RBFOX1: variants seen among roughly 807,000 people sequenced by gnomAD.
RBFOX1 encodes the protein RNA binding fox-1 homolog 1.
In RBFOX1, 8 loss-of-function variants were observed where a neutral mutation model predicts 57.7. The ratio of observed to expected loss-of-function variants is 0.14; its 90% confidence interval spans 0.08 to 0.25. The LOEUF is 0.25. Ranked by LOEUF, RBFOX1 falls within the 10% of genes least tolerant of loss-of-function variation. The pLI is 1.00. For missense variants in RBFOX1, 611 were observed against 548.5 expected, an observed-to-expected ratio of 1.11 and a Z score of -1.14; for synonymous variants, 326 against 222.4, an observed-to-expected ratio of 1.47 and a Z score of -4.15.
intron 2 of RBFOX1, among the ~76,000 whole-genome samples, chr16:6,319,516 G>A (rs1287950422): frequency 6.6e-6 from 1 of 152,178 alleles, no homozygotes; most frequent in Non-Finnish European, 1.5e-5. Flanking sequence ...GGAGTATTGT[G>A]TAAATTGGAG....
rs182690624 is a variant in RBFOX1, at chr16:6,785,139, T to G, written c.-16+130489T>G. Among the ~76,000 whole-genome samples the G allele has an allele frequency of 8.8e-3, 1,280 of 145,976 alleles. 12 individuals are homozygous for G. The highest frequency in any genetic ancestry group is 0.015 in the Non-Finnish European group (1,013 of 67,394). On this transcript the variant is annotated intron_variant, in intron 3 of 15. Transcript: ENST00000550418. Reference sequence around the variant, plus strand: ...AAAATATTCATTATTAAATATAGTGTTATATTTCATTTCTGAACAAAGAGA... The same window carrying G: ...AAAATATTCATTATTAAATATAGTGGTATATTTCATTTCTGAACAAAGAGA...
intron 4 of RBFOX1, among the ~76,000 whole-genome samples, chr16:7,296,684 C>T (rs1008129835): frequency 6.6e-6 from 1 of 152,134 alleles, no homozygotes; most frequent in African/African-American, 2.4e-5. Context: ...GAATAGGCTC[C>T]CTAGCCTGTC....
At chr16:5,862,702 T>C (rs1349903467) in intron 3 of RBFOX1, among the ~76,000 whole-genome samples, 1 of 152,162 alleles carries the variant, frequency 6.6e-6, no homozygotes, top group African/African-American at 2.4e-5. Context: ...GTGAGCTCTA[T>C]CCCTTGAATG....
intron 3 of RBFOX1, among the ~76,000 whole-genome samples, chr16:6,846,842 A>G (rs1009221133): frequency 1.3e-5 from 2 of 151,978 alleles, no homozygotes; most frequent in Non-Finnish European, 2.9e-5. Context: ...AGGATCTTGG[A>G]TGGCATGCTC....
intron 3 of RBFOX1, among the ~76,000 whole-genome samples, chr16:6,876,378 C>G (rs538713087): frequency 1.6e-4 from 24 of 151,886 alleles, no homozygotes; most frequent in Non-Finnish European, 2.8e-4. Flanking sequence ...TACCATCCAA[C>G]CCCTGAAATG....
chr16:5,426,428 C>T (rs149316996), intron 1 of RBFOX1, among the ~76,000 whole-genome samples: 10 of 152,232 alleles, frequency 6.6e-5, no homozygotes, highest in African/African-American at 1.2e-4. Flanking sequence ...AGACTAAAAC[C>T]GTACCCAGCG....
At chr16:5,256,682 C>G (rs1304098924) in intron 1 of RBFOX1, among the ~76,000 whole-genome samples, 18 of 152,114 alleles carry the variant, frequency 1.2e-4, no homozygotes, top group Non-Finnish European at 2.4e-4. Context: ...TGCCTGTAAT[C>G]CTAGCACTTT....
At chr16:5,577,895 A>G (rs2046522492) in intron 2 of RBFOX1, among the ~76,000 whole-genome samples, 1 of 152,216 alleles carries the variant, frequency 6.6e-6, no homozygotes, top group Non-Finnish European at 1.5e-5. Flanking sequence ...GTTAGAGCAG[A>G]GGGGATGAGG....
At position 6,541,689 on chromosome 16, in the gene RBFOX1, C is replaced by T. The variant is rs529917661; in HGVS notation, c.-63-112914C>T. On this transcript the variant is annotated intron_variant, in intron 2 of 15. Transcript: ENST00000550418. The stretch of plus-strand genomic sequence containing the variant: ...GAAGAGCAAGAATATCAATTCTGGG[C>T]AAATGCTGTAGGTCAGAGATGATGG... Among the ~76,000 whole-genome samples the T allele has an allele frequency of 2.6e-5, 4 of 152,224 alleles. No individual in the cohort carries two copies. The South Asian group carries it at 6.2e-4, about 24-fold the overall frequency.
At chr16:6,612,998 C>A (rs1342799453) in intron 2 of RBFOX1, among the ~76,000 whole-genome samples, 1 of 141,186 alleles carries the variant, frequency 7.1e-6, no homozygotes, top group Admixed American at 7.6e-5. Context: ...GGTGCCAGTC[C>A]CAGCATGTGT....
chr16:6,079,085 G>A (rs962679614), intron 1 of RBFOX1, among the ~76,000 whole-genome samples: 9 of 152,164 alleles, frequency 5.9e-5, no homozygotes, highest in Admixed American at 2.6e-4. Flanking sequence ...GAGGCAGGCA[G>A]ATCACTTGAG....
intron 4 of RBFOX1, among the ~76,000 whole-genome samples, chr16:7,240,236 G>A (rs552919709): frequency 2.0e-5 from 3 of 152,214 alleles, no homozygotes; most frequent in East Asian, 1.9e-4. Flanking sequence ...CAAACTGCTG[G>A]GATTACAGGT....
chr16:6,686,971 C>G (rs527282549), intron 3 of RBFOX1, among the ~76,000 whole-genome samples: 1 of 152,240 alleles, frequency 6.6e-6, no homozygotes, highest in South Asian at 2.1e-4. Flanking sequence ...TGTGAAAATA[C>G]TCATTATATA....
chr16:7,322,323 C>T (rs575881166), intron 4 of RBFOX1, among the ~76,000 whole-genome samples: 6 of 152,362 alleles, frequency 3.9e-5, no homozygotes, highest in African/African-American at 1.2e-4. Context: ...CCTTGAAAAC[C>T]TGCCCCCTGC....
intron 2 of RBFOX1, among the ~76,000 whole-genome samples, chr16:6,455,453 G>C (rs886202604): frequency 1.1e-4 from 17 of 152,126 alleles, no homozygotes; most frequent in African/African-American, 3.9e-4. Flanking sequence ...AAGTCCCTTA[G>C]CCTCCCGTTG....
chr16:6,073,660 C>T (rs1597021016), intron 1 of RBFOX1, among the ~76,000 whole-genome samples: 1 of 152,142 alleles, frequency 6.6e-6, no homozygotes, highest in Non-Finnish European at 1.5e-5. Context: ...ATTTAGAATG[C>T]ATAATCTTCC....
intron 2 of RBFOX1, among the ~76,000 whole-genome samples, chr16:6,405,882 A>G (rs1255352951): frequency 6.6e-6 from 1 of 152,236 alleles, no homozygotes. Flanking sequence ...ACAAAATGCA[A>G]TGGTTTAACC....
At chr16:5,899,935 T>C (rs1246647277) in intron 4 of RBFOX1, among the ~76,000 whole-genome samples, 4 of 152,040 alleles carry the variant, frequency 2.6e-5, no homozygotes. Flanking sequence ...GAGTCAGGCA[T>C]GGTGGTGCAG....
chr16:7,512,709 G>A (rs1409368482), intron 4 of RBFOX1, among the ~76,000 whole-genome samples: 1 of 152,228 alleles, frequency 6.6e-6, no homozygotes, highest in African/African-American at 2.4e-5. Context: ...TTTGGCACCA[G>A]TGGTGCCCCC....
Sources: gnomAD v4.1 joint callset for allele counts (sites outside exome capture counted in the v4.1 genomes callset) on GRCh38, gnomAD v4.1.1 for gene constraint, MANE v1.5 for transcripts, NCBI Gene and HGNC (gene_info 2026-07-23, HGNC 2026-07-21) for gene names.